Variants in KLC2 observed in about 807,000 individuals in gnomAD.
KLC2 encodes the protein kinesin light chain 2, also known as KLC 2.
In KLC2, 35 loss-of-function variants were observed where a neutral mutation model predicts 75.1. The observed-to-expected ratio is 0.47, with a 90% CI of 0.36 to 0.62. The LOEUF is 0.62. Ranked by LOEUF, KLC2 falls within the 20% of genes least tolerant of loss-of-function variation. KLC2 has a pLI of 0.00. For missense variants in KLC2, 611 were observed against 833.2 expected (o/e 0.73, Z 3.28); for synonymous variants, 314 against 336.7 (o/e 0.93, Z 0.74).
the KLC2 span, among the ~76,000 whole-genome samples, chr11:66,250,692 C>T: frequency 6.6e-6 from 1 of 152,204 alleles, no homozygotes; most frequent in Non-Finnish European, 1.5e-5. Context: ...AAGGGAATGA[C>T]ACCTGAGTGG....
upstream of KLC2, among the ~76,000 whole-genome samples, chr11:66,253,740 C>T (rs1457967831): frequency 1.3e-5 from 2 of 152,306 alleles, no homozygotes; most frequent in African/African-American, 2.4e-5. Flanking sequence ...CGAACACATG[C>T]GAGGCTAAGC....
In KLC2 at chr11:66,267,677, G is replaced by T. The variant is rs1223496683; in HGVS notation, c.*721G>T. On this transcript the variant is annotated 3_prime_UTR_variant, in exon 16 of 16. Transcript: ENST00000394067. The stretch of plus-strand genomic sequence containing the variant: ...CTCCCACCCGGCCCCGCCCAGGCAC[G>T]GCCGACCCCGCCCCGGGCACCGCCC... The T allele has an allele frequency of 6.3e-6, 2 of 317,574 alleles. No individual in the cohort carries two copies. Among genetic ancestry groups the T allele is most frequent in the Non-Finnish European group, 1.2e-5 (2 of 165,098 alleles). 19.7% of individuals were successfully genotyped at this position (317,574 alleles called of 1,614,324 possible). A position where few individuals can be genotyped will look rare whatever the true frequency, so the allele number is the denominator to read the frequency against.
the KLC2 span, among the ~76,000 whole-genome samples, chr11:66,245,687 G>A: frequency 6.6e-6 from 1 of 151,480 alleles, no homozygotes; most frequent in African/African-American, 2.4e-5. Flanking sequence ...CTGTACTCCA[G>A]CCTGGCGACA....
chr11:66,266,772 C>G (rs1856860351), intron 15 of KLC2, 101 bp from the exon 16 acceptor site: 1 of 1,261,702 alleles, frequency 7.9e-7, no homozygotes, highest in Non-Finnish European at 1.2e-6. Flanking sequence ...CTGCCCAGCT[C>G]AGGGATTCCG....
intron 2 of KLC2, among the ~76,000 whole-genome samples, chr11:66,260,508 C>T (rs1294228051): frequency 2.7e-5 from 4 of 150,886 alleles, no homozygotes; most frequent in Admixed American, 2.6e-4. Context: ...GGTGTGGTGG[C>T]TCACGCCTGT....
chr11:66,262,127 A>C lies in KLC2; in HGVS notation c.464A>C (p.Glu155Ala). The C allele has an allele frequency of 6.2e-7, 1 of 1,612,988 alleles. No individual in the cohort carries two copies. Among genetic ancestry groups the C allele is most frequent in the South Asian group, 1.1e-5 (1 of 91,030 alleles). Reference sequence around the variant, plus strand: ...TCATCCTGTCTTCCTTCCCAGGAGGAGAAGGGGGACGTCCCCAAAGACACA... The same window carrying C: ...TCATCCTGTCTTCCTTCCCAGGAGGCGAAGGGGGACGTCCCCAAAGACACA... ...KLDEDASPNEEKGDVPKDTLD... is the reference protein window; with the variant it reads ...KLDEDASPNEAKGDVPKDTLD... Residue 155 changes from glutamate to alanine, a missense_variant, in exon 4 of 16, where the codon GAG (glutamate) becomes GCG (alanine). Glu to Ala is a moderately radical substitution (Grantham distance 107). Coordinates refer to ENST00000394067, the MANE Select transcript of KLC2 (RefSeq NM_001318734.2).
chr11:66,263,174 G>A (rs1856559629), intron 5 of KLC2, 138 bp downstream of exon 5: 10 of 644,336 alleles, frequency 1.6e-5, no homozygotes, highest in Non-Finnish European at 1.6e-5. Context: ...AAACTGTCTA[G>A]TGTAAGAGAG....
upstream of KLC2, among the ~76,000 whole-genome samples, chr11:66,255,861 G>A (rs765441366): frequency 1.3e-5 from 2 of 151,876 alleles, no homozygotes. Context: ...CGCCTCCCGG[G>A]TTCAAGCGAT....
Position 66,262,992 on chromosome 11 carries a change from C to T in KLC2, c.708C>T (p.His236=). Residue 236 remains histidine, a synonymous_variant, in exon 5 of 16, where the codon CAC becomes CAT. Coordinates refer to ENST00000394067, the MANE Select transcript of KLC2 (RefSeq NM_001318734.2). ...EDLEKTSGHD[H]PDVATMLNIL... is the part of the protein sequence containing the mutation. ...TGGAGAAGACGTCAGGCCACGACCA[C>T]CCTGACGTTGCCACCATGCTGAACA... 6.2e-7 allele frequency: 1 copy of T among 1,614,022 alleles called. No homozygotes were observed.
intron 1 of KLC2, 25 bp from the exon 2 acceptor site, chr11:66,258,559 C>G: frequency 6.5e-7 from 1 of 1,548,168 alleles, no homozygotes; most frequent in Middle Eastern, 1.7e-4. Context: ...CCGGCGCCCG[C>G]CTGCCCGCAC....
At chr11:66,248,463 T>C in the KLC2 span, among the ~76,000 whole-genome samples, 1 of 151,898 alleles carries the variant, frequency 6.6e-6, no homozygotes, top group Non-Finnish European at 1.5e-5. Flanking sequence ...CTACTAAAAA[T>C]ACAAAAATTA....
chr11:66,266,624 C>A, intron 15 of KLC2, 134 bp downstream of exon 15: 1 of 1,038,330 alleles, frequency 9.6e-7, no homozygotes, highest in Non-Finnish European at 1.5e-6. Flanking sequence ...TTGGGCTGGA[C>A]AACGGGGAGA....
chr11:66,267,046 G>A lies in KLC2; in HGVS notation c.*90G>A. 3 of 1,584,334 alleles carry A rather than the reference G, an allele frequency of 1.9e-6. No homozygotes were observed. The highest frequency in any genetic ancestry group is 3.6e-5 in the Admixed American group (2 of 56,292). ...CATGGGCCTGCTGCTTGTCCCGCCT[G>A]TCTCTCCCACAGCCCCTGTCTTTTC... On this transcript the variant is annotated 3_prime_UTR_variant, in exon 16 of 16. Transcript: ENST00000394067.
chr11:66,267,690 C>G lies in KLC2; in HGVS notation c.*734C>G. 1.9e-6 allele frequency: 1 copy of G among 522,432 alleles called. No individual in the cohort carries two copies. Among genetic ancestry groups the G allele is most frequent in the South Asian group, 2.7e-5 (1 of 36,966 alleles). The allele number at this position is 522,432 out of a possible 1,614,324, so 32.4% of individuals were successfully genotyped here. A position where few individuals can be genotyped will look rare whatever the true frequency, so the allele number is the denominator to read the frequency against. ...CCGCCCAGGCACGGCCGACCCCGCCCCGGGCACCGCCCACCGAGCCATCCT... is the reference window on the plus strand; with the variant it reads ...CCGCCCAGGCACGGCCGACCCCGCCGCGGGCACCGCCCACCGAGCCATCCT... On this transcript the variant is annotated 3_prime_UTR_variant, in exon 16 of 16. Transcript: ENST00000394067.
Position 66,265,927 on chromosome 11 carries a change from G to A in KLC2, c.1517G>A (p.Arg506His), listed in dbSNP as rs1483785749. Residue 506 changes from arginine to histidine, a missense_variant, in exon 13 of 16, where the codon CGC becomes CAC. By Grantham distance (29) the Arg-to-His change is conservative (BLOSUM62 0). Coordinates refer to ENST00000394067, the MANE Select transcript of KLC2 (RefSeq NM_001318734.2). ...KDGSGRRGDR[R>H]SSRDMAGGAG... ...GGCAGTGGCAGGCGGGGAGACCGCC[G>A]CAGCAGCCGAGACATGGCTGGGGGT... is the stretch of plus-strand genomic sequence containing the variant. 1.2e-5 allele frequency: 19 copies of A among 1,588,726 alleles called. No homozygotes were observed. Among genetic ancestry groups the A allele is most frequent in the Admixed American group, 3.4e-5 (2 of 58,366 alleles).
chr11:66,253,684 G>A (rs1242539822), upstream of KLC2, among the ~76,000 whole-genome samples: 1 of 152,248 alleles, frequency 6.6e-6, no homozygotes, highest in Non-Finnish European at 1.5e-5. Context: ...GAGACACACA[G>A]TGCAATCCTC....
In KLC2 at chr11:66,263,019, C is replaced by T. The variant is rs764492039; in HGVS notation, c.735C>T (p.Ile245=). 6 of 1,613,376 alleles carry T rather than the reference C, an allele frequency of 3.7e-6. No homozygotes were observed. The highest frequency in any genetic ancestry group is 5.1e-6 in the Non-Finnish European group (6 of 1,179,480). The change falls in exon 5 of 16, where the codon ATC becomes ATT. Residue 245 remains isoleucine (I), a synonymous_variant. Coordinates refer to ENST00000394067, the MANE Select transcript of KLC2 (RefSeq NM_001318734.2). ...CTGACGTTGCCACCATGCTGAACAT[C>T]CTGGCACTGGTCTATCGGTGAGGAC... is the stretch of plus-strand genomic sequence containing the variant. ...DHPDVATMLN[I]LALVYRDQNK...
chr11:66,262,229 G>T (rs775515041), intron 4 of KLC2, 37 bp downstream of exon 4: 4 of 1,562,800 alleles, frequency 2.6e-6, no homozygotes, highest in Non-Finnish European at 3.5e-6. Flanking sequence ...GGAAGGAAAG[G>T]TTGTGTGAAC....
intron 3 of KLC2, 55 bp downstream of exon 3, chr11:66,262,027 G>C (rs1446119372): frequency 6.3e-7 from 1 of 1,590,888 alleles, no homozygotes; most frequent in African/African-American, 1.3e-5. Context: ...GAGCAGGGAG[G>C]GGCAGCATGG....
Sources: allele counts gnomAD v4.1 joint callset (sites outside exome capture counted in the v4.1 genomes callset), GRCh38; gene constraint gnomAD v4.1.1; transcripts MANE v1.5; gene names NCBI Gene and HGNC (gene_info 2026-07-23, HGNC 2026-07-21).